Variants in DMRT1 observed in about 807,000 individuals in gnomAD.
DMRT1 encodes the protein doublesex- and mab-3-related transcription factor 1.
A neutral mutation model predicts 32.3 loss-of-function variants in DMRT1; 7 were observed. The observed-to-expected ratio is 0.22, with a 90% CI of 0.12 to 0.41. DMRT1 has a LOEUF of 0.41. Among genes scored for constraint, DMRT1 ranks in the 10% least tolerant of loss-of-function variants. The pLI is 1.00. For missense variants in DMRT1, 625 were observed against 500.5 expected, an observed-to-expected ratio of 1.25 and a Z score of -2.37; for synonymous variants, 278 against 206.1, an observed-to-expected ratio of 1.35 and a Z score of -2.99.
chr9:956,774 T>C (rs1164351193), intron 4 of DMRT1, among the ~76,000 whole-genome samples: 1 of 152,192 alleles, frequency 6.6e-6, no homozygotes, highest in African/African-American at 2.4e-5. Flanking sequence ...CCAGCCTTTC[T>C]TTCCTTAAGT....
Position 965,475 on chromosome 9 carries a change from C to G in DMRT1, c.968-2510C>G, listed in dbSNP as rs768549793. Among the ~76,000 whole-genome samples the G allele has an allele frequency of 2.0e-5, 3 of 152,174 alleles. No homozygotes were observed. Among genetic ancestry groups the G allele is most frequent in the Non-Finnish European group, 4.4e-5 (3 of 68,040 alleles). On this transcript the variant is annotated intron_variant, in intron 4 of 4. Transcript: ENST00000382276. This position sits in a 1 kb window ranked among gnomAD's most constrained non-coding sequence, Gnocchi z 4.5. Reference sequence around the variant, plus strand: ...TGGCCCCACGTCGCAAGAGCACTTTCCAAGAAAATATTCATAAGGCAAGTT... The same window carrying G: ...TGGCCCCACGTCGCAAGAGCACTTTGCAAGAAAATATTCATAAGGCAAGTT...
intron 2 of DMRT1, among the ~76,000 whole-genome samples, chr9:871,460 G>A (rs1365873869): frequency 6.7e-6 from 1 of 149,948 alleles, no homozygotes; most frequent in Non-Finnish European, 1.5e-5. Flanking sequence ...AGCCTCCAGA[G>A]TAGCTGGGAC....
At chr9:855,305 G>A (rs1489922787) in intron 2 of DMRT1, among the ~76,000 whole-genome samples, 1 of 152,072 alleles carries the variant, frequency 6.6e-6, no homozygotes, top group African/African-American at 2.4e-5. Context: ...TAAATACAGG[G>A]GTTAAAGTTA....
rs1452248286 is a variant in DMRT1, at chr9:927,012, C to T, written c.967+10105C>T. Among the ~76,000 whole-genome samples the T allele has an allele frequency of 2.0e-5, 3 of 152,214 alleles. No individual in the cohort carries two copies. The East Asian group carries it at 5.8e-4, about 29-fold the overall frequency. On this transcript the variant is annotated intron_variant, in intron 4 of 4. Transcript: ENST00000382276. ...GGGCCCTCCTTGGATGTGACACTAG[C>T]CAGTTGGGTTAGAGCTTCCAGCATC...
intron 4 of DMRT1, among the ~76,000 whole-genome samples, chr9:934,128 G>GGAGCAGCAT (rs1818811754): frequency 6.6e-6 from 1 of 152,162 alleles, no homozygotes; most frequent in South Asian, 2.1e-4. Context: ...TTATGGCCTT[G>GGAGCAGCAT]GAGCAGCATG....
At chr9:939,603 G>C (rs1022194627) in intron 4 of DMRT1, among the ~76,000 whole-genome samples, 1 of 152,106 alleles carries the variant, frequency 6.6e-6, no homozygotes, top group Non-Finnish European at 1.5e-5. Context: ...GCACACCTAA[G>C]CTACAAAGAG....
At chr9:896,093 A>G (rs1056912341) in intron 3 of DMRT1, among the ~76,000 whole-genome samples, 1 of 147,896 alleles carries the variant, frequency 6.8e-6, no homozygotes, top group African/African-American at 2.5e-5. Flanking sequence ...ATGAGCCACC[A>G]CTCCCAGCCG....
chr9:912,120 C>T (rs1456855227), intron 3 of DMRT1, among the ~76,000 whole-genome samples: 2 of 152,194 alleles, frequency 1.3e-5, no homozygotes, highest in Non-Finnish European at 2.9e-5. Flanking sequence ...TTCTCTTCTT[C>T]ACAAGGCAGC....
chr9:867,362 AG>A (rs1340945768), intron 2 of DMRT1, among the ~76,000 whole-genome samples: 1 of 152,206 alleles, frequency 6.6e-6, no homozygotes, highest in Non-Finnish European at 1.5e-5. Context: ...GGAAGCCAGG[AG>A]AGCGGGCAGT....
intron 2 of DMRT1, among the ~76,000 whole-genome samples, chr9:864,795 CG>C (rs1815904273): frequency 6.6e-6 from 1 of 152,084 alleles, no homozygotes; most frequent in Non-Finnish European, 1.5e-5. Flanking sequence ...CCACCGTGCC[CG>C]CCAGCCAGTA....
chr9:899,538 G>A (rs1817492895), intron 3 of DMRT1, among the ~76,000 whole-genome samples: 1 of 152,192 alleles, frequency 6.6e-6, no homozygotes, highest in Non-Finnish European at 1.5e-5. Context: ...CTCAGCCTGT[G>A]TAGGAGATTT....
At chr9:859,675 C>G (rs965574652) in intron 2 of DMRT1, among the ~76,000 whole-genome samples, 7 of 152,182 alleles carry the variant, frequency 4.6e-5, no homozygotes, top group African/African-American at 1.4e-4. Flanking sequence ...TTATGCCAGT[C>G]TCTAAAACGT....
At chr9:897,235 A>C (rs1242824325) in intron 3 of DMRT1, among the ~76,000 whole-genome samples, 6 of 151,398 alleles carry the variant, frequency 4.0e-5, no homozygotes, top group African/African-American at 9.7e-5. Context: ...GCCTCAGCCT[A>C]CTGAGTAGCT....
chr9:865,091 T>G (rs1455926653), intron 2 of DMRT1, among the ~76,000 whole-genome samples: 1 of 152,226 alleles, frequency 6.6e-6, no homozygotes, highest in African/African-American at 2.4e-5. Context: ...TTTTACTGTT[T>G]GCGTTGATGT....
chr9:841,789 C>T lies in DMRT1; in HGVS notation c.-50C>T, dbSNP rs777110890. On this transcript the variant is annotated 5_prime_UTR_variant, in exon 1 of 5. Coordinates refer to ENST00000382276, the MANE Select transcript of DMRT1 (RefSeq NM_021951.3). Reference sequence around the variant, plus strand: ...CGTCGGGTTCATCCCTCGCAGCAGTCTCCAGGCGAGAGAGGGGGCCAGAGT... The same window carrying T: ...CGTCGGGTTCATCCCTCGCAGCAGTTTCCAGGCGAGAGAGGGGGCCAGAGT... 9 of 1,568,680 alleles carry T rather than the reference C, an allele frequency of 5.7e-6. No individual in the cohort carries two copies. Among genetic ancestry groups the T allele is most frequent in the Non-Finnish European group, 7.8e-6 (9 of 1,157,450 alleles).
intron 4 of DMRT1, among the ~76,000 whole-genome samples, chr9:961,032 C>CT (rs1301456992): frequency 6.6e-6 from 1 of 152,108 alleles, no homozygotes; most frequent in Non-Finnish European, 1.5e-5. Flanking sequence ...TAGAATCCTC[C>CT]TAAGTGCTCT....
intron 2 of DMRT1, among the ~76,000 whole-genome samples, chr9:883,451 C>T (rs531127871): frequency 6.6e-6 from 1 of 152,096 alleles, no homozygotes; most frequent in East Asian, 1.9e-4. Flanking sequence ...AATCAGTCAT[C>T]ATCGAATGAC....
rs763887393 is a variant in DMRT1 at position 841,981 on chromosome 9, G to C, written c.143G>C (p.Gly48Ala). The C allele has an allele frequency of 6.3e-6, 10 of 1,576,954 alleles. No individual in the cohort carries two copies. The highest frequency in any genetic ancestry group is 8.6e-6 in the Non-Finnish European group (10 of 1,162,400). ...LVGAASGSSAGGSSRGGGSGS... is the reference protein window; with the variant it reads ...LVGAASGSSAAGSSRGGGSGS... ...GGGGCGGCCAGCGGCTCGAGCGCCG[G>C]GGGCAGCAGCAGAGGAGGCGGCTCC... The change falls in exon 1 of 5, where the codon GGG becomes GCG. Residue 48 changes from glycine to alanine, a missense_variant. Gly to Ala is a moderately conservative substitution (Grantham distance 60). Transcript: ENST00000382276.
At chr9:889,610 T>C (rs60629115) in intron 2 of DMRT1, among the ~76,000 whole-genome samples, 5,783 of 152,304 alleles carry the variant, frequency 0.038, 158 homozygotes, top group African/African-American at 0.078. Flanking sequence ...TCTTGTTACC[T>C]TCAGAGTTAT....
Sources: gnomAD v4.1 joint callset for allele counts (sites outside exome capture counted in the v4.1 genomes callset) on GRCh38, gnomAD v4.1.1 for gene constraint, Gnocchi (gnomAD v3.1) non-coding constraint, MANE v1.5 for transcripts, NCBI Gene and HGNC (gene_info 2026-07-23, HGNC 2026-07-21) for gene names.